WWP2: variants seen among roughly 807,000 people sequenced by gnomAD.
WWP2 encodes the protein NEDD4-like E3 ubiquitin-protein ligase WWP2.
WWP2 carries 57 observed loss-of-function variants against 121.0 expected under a neutral mutation model. That is an observed-to-expected ratio of 0.47 (90% CI 0.38 to 0.59). The LOEUF is 0.59. Among genes scored for constraint, WWP2 ranks in the 20% least tolerant of loss-of-function variants. WWP2 has a pLI of 0.00. For synonymous variants in WWP2, 449 were observed against 441.3 expected (o/e 1.02, Z -0.22); for missense variants, 962 against 1,158.9 (o/e 0.83, Z 2.47).
rs774354576 is a variant in WWP2 at position 69,935,858 on chromosome 16, G to A, written c.1848G>A (p.Leu616=). The change falls in exon 18 of 24, where the codon CTG becomes CTA. Residue 616 remains leucine, a synonymous_variant. Transcript: ENST00000359154. The surrounding 1 kb of genome is among the most constrained non-coding windows in gnomAD (Gnocchi z 5.2). ...CTGTGCCTCTTCCTTCCCAGGCGCTGTACCATGGAAAGTTCATCGACACGG... is the reference window on the plus strand; with the variant it reads ...CTGTGCCTCTTCCTTCCCAGGCGCTATACCATGGAAAGTTCATCGACACGG... The part of the protein sequence containing the change: ...RFIGRFIAMA[L]YHGKFIDTGF... 1.6e-5 allele frequency: 26 copies of A among 1,613,082 alleles called. No homozygotes were observed. The highest frequency in any genetic ancestry group is 2.2e-5 in the Non-Finnish European group (26 of 1,179,572).
rs368331143 is a variant in WWP2 at position 69,931,493 on chromosome 16, C to CTT, written c.1522-5_1522-4dup. 3.2e-5 allele frequency: 41 copies of CTT among 1,263,640 alleles called. No homozygotes were observed. The highest frequency in any genetic ancestry group is 4.0e-4 in the Middle Eastern group (2 of 4,958). The allele number at this position is 1,263,640 out of a possible 1,614,324, so 78.3% of individuals were successfully genotyped here. A position where few individuals can be genotyped will look rare whatever the true frequency, so the allele number is the denominator to read the frequency against. ...TTGAGGCTCGATTTAAAGTTCTTTT[C>CTT]TTTTTTTTTTTTCAGTCAAATGCCC... On this transcript the variant is annotated splice_polypyrimidine_tract_variant and intron_variant, in intron 14 of 23. Transcript: ENST00000359154.
chr16:69,915,270 C>G (rs2058462733), intron 9 of WWP2, among the ~76,000 whole-genome samples: 1 of 152,236 alleles, frequency 6.6e-6, no homozygotes, highest in Non-Finnish European at 1.5e-5. Context: ...ACATTGTCAT[C>G]CAAACCCTGA....
intron 4 of WWP2, chr16:69,827,930 G>A (rs886478408): frequency 6.6e-6 from 3 of 455,800 alleles, no homozygotes; most frequent in South Asian, 1.5e-5. Context: ...TACGGCTTGA[G>A]AGATTTACCA....
intron 11 of WWP2, among the ~76,000 whole-genome samples, chr16:69,928,360 G>GT (rs141764486): frequency 0.043 from 6,431 of 148,750 alleles, 466 homozygotes; most frequent in African/African-American, 0.15. Flanking sequence ...CTAGTTTTTT[G>GT]TTTTTTTTTT....
chr16:69,780,906 T>C (rs2055650644), intron 1 of WWP2, among the ~76,000 whole-genome samples: 1 of 152,124 alleles, frequency 6.6e-6, no homozygotes, highest in Non-Finnish European at 1.5e-5. Flanking sequence ...CAAATGCCTG[T>C]AGTCCCAGCT....
chr16:69,883,400 G>GCGCGCACA (rs141327083), intron 7 of WWP2, among the ~76,000 whole-genome samples: 1 of 145,862 alleles, frequency 6.9e-6, no homozygotes, highest in African/African-American at 2.6e-5. Flanking sequence ...AAGAATGTGC[G>GCGCGCACA]CACACACACA....
At chr16:69,817,894 C>G (rs751973193) in intron 4 of WWP2, among the ~76,000 whole-genome samples, 12 of 151,916 alleles carry the variant, frequency 7.9e-5, no homozygotes, top group East Asian at 1.9e-4. Flanking sequence ...TTGTGCCCAG[C>G]CTAAATTCTT....
At chr16:69,872,541 G>C (rs1473599640) in intron 7 of WWP2, among the ~76,000 whole-genome samples, 1 of 152,170 alleles carries the variant, frequency 6.6e-6, no homozygotes, top group East Asian at 1.9e-4. Flanking sequence ...ATCTGCATTG[G>C]ATTTCATGTT....
At chr16:69,921,113 G>T (rs1316983393) in intron 10 of WWP2, among the ~76,000 whole-genome samples, 1 of 152,178 alleles carries the variant, frequency 6.6e-6, no homozygotes, top group East Asian at 1.9e-4. Context: ...GCATGGAGGT[G>T]ATAGTTACCT....
chr16:69,932,025 G>T, intron 16 of WWP2, 135 bp downstream of exon 16: 1 of 897,722 alleles, frequency 1.1e-6, no homozygotes, highest in Non-Finnish European at 1.7e-6. Context: ...TGGGCACAGT[G>T]TGGCATTCAA....
chr16:69,768,129 C>A (rs2038772508), intron 1 of WWP2, among the ~76,000 whole-genome samples: 1 of 152,110 alleles, frequency 6.6e-6, no homozygotes, highest in South Asian at 2.1e-4. Flanking sequence ...TGAGCCACCA[C>A]AACTGGCTAG....
chr16:69,921,614 C>G (rs1167748561), intron 10 of WWP2, among the ~76,000 whole-genome samples: 1 of 152,134 alleles, frequency 6.6e-6, no homozygotes, highest in Non-Finnish European at 1.5e-5. Context: ...CATCGTGTAT[C>G]TTTTCGTTTG....
At chr16:69,784,723 G>GT (rs1401769243) in intron 1 of WWP2, among the ~76,000 whole-genome samples, 18 of 152,170 alleles carry the variant, frequency 1.2e-4, no homozygotes, top group Admixed American at 1.2e-3. Context: ...ATAATGGTGT[G>GT]TTGGGAAAAA....
chr16:69,897,964 A>G (rs2058134202), intron 8 of WWP2, among the ~76,000 whole-genome samples: 1 of 151,990 alleles, frequency 6.6e-6, no homozygotes, highest in African/African-American at 2.4e-5. Context: ...CAATGGCTGC[A>G]GTAAAGTTTT....
At chr16:69,800,473 T>C (rs2056138956) in intron 4 of WWP2, among the ~76,000 whole-genome samples, 1 of 152,158 alleles carries the variant, frequency 6.6e-6, no homozygotes, top group Non-Finnish European at 1.5e-5. Context: ...TACTTTTGCT[T>C]TTGGTTAGCA....
At chr16:69,872,843 A>C (rs1053972099) in intron 7 of WWP2, among the ~76,000 whole-genome samples, 1 of 152,228 alleles carries the variant, frequency 6.6e-6, no homozygotes, top group African/African-American at 2.4e-5. Flanking sequence ...GGAAGGACCT[A>C]TTTCAAAACA....
intron 4 of WWP2, among the ~76,000 whole-genome samples, chr16:69,800,994 T>A (rs994450423): frequency 2.0e-5 from 3 of 148,722 alleles, no homozygotes; most frequent in African/African-American, 7.3e-5. Flanking sequence ...GTGACCAGCC[T>A]GGCCAATATG....
Position 69,937,555 on chromosome 16 carries a change from T to C in WWP2, c.2246T>C (p.Leu749Pro). 6.2e-7 allele frequency: 1 copy of C among 1,614,026 alleles called. No homozygotes were observed. ...YFDEKELELM[L>P]CGMQEIDMSD... Reference sequence around the variant, plus strand: ...ACTGCCGCCTCTCCCCAGCTGATGCTGTGCGGCATGCAGGAGATAGACATG... The same window carrying C: ...ACTGCCGCCTCTCCCCAGCTGATGCCGTGCGGCATGCAGGAGATAGACATG... The change falls in exon 21 of 24, where the codon CTG (leucine) becomes CCG (proline). Residue 749 changes from leucine to proline, a missense_variant. Physicochemically the swap from Leu to Pro is moderately conservative, Grantham distance 98 (BLOSUM62 -3). This residue lies in a region of WWP2 where 606 missense variants were observed against 772.6 expected (regional missense o/e 0.78). Coordinates refer to ENST00000359154, the MANE Select transcript of WWP2 (RefSeq NM_001270454.2). The surrounding 1 kb of genome is among the most constrained non-coding windows in gnomAD (Gnocchi z 6.6).
rs183361120 is a variant in WWP2 at position 69,843,416 on chromosome 16, A to T, written c.575+1296A>T. On this transcript the variant is annotated intron_variant, in intron 6 of 23. Coordinates refer to ENST00000359154, the MANE Select transcript of WWP2 (RefSeq NM_001270454.2). ...TCTAAGTATAAAGAGATGAGGGGAG[A>T]GGGTTGGCACCTTTGTTTATTGTTT... Among the ~76,000 whole-genome samples, 334 of 152,204 alleles carry T rather than the reference A, an allele frequency of 2.2e-3. 2 individuals are homozygous for T. The highest frequency in any genetic ancestry group is 5.6e-3 in the South Asian group (27 of 4,812).
Sources: allele counts gnomAD v4.1 joint callset (sites outside exome capture counted in the v4.1 genomes callset), GRCh38; gene constraint gnomAD v4.1.1; regional missense constraint gnomAD v4.1.1; non-coding constraint Gnocchi (gnomAD v3.1); transcripts MANE v1.5; gene names NCBI Gene and HGNC (gene_info 2026-07-23, HGNC 2026-07-21).